The following MGMT variants were observed in gnomAD, a reference collection of about 807,000 sequenced individuals.
MGMT encodes the protein O-6-methylguanine-DNA methyltransferase.
Under a neutral mutation model 15.9 loss-of-function variants are expected in MGMT, and 14 were observed. The ratio of observed to expected loss-of-function variants is 0.88; its 90% confidence interval spans 0.58 to 1.37. The LOEUF is 1.37. Among genes scored for constraint, MGMT ranks in the 40% most tolerant of loss-of-function variants. The pLI, the probability that MGMT is intolerant of heterozygous loss-of-function variation, is 0.00. For synonymous variants in MGMT, 130 were observed against 118.2 expected, an observed-to-expected ratio of 1.10 and a Z score of -0.65; for missense variants, 282 against 268.1, an observed-to-expected ratio of 1.05 and a Z score of -0.36.
At chr10:129,471,043 G>A (rs1845224762) in intron 1 of MGMT, among the ~76,000 whole-genome samples, 1 of 152,166 alleles carries the variant, frequency 6.6e-6, no homozygotes, top group African/African-American at 2.4e-5. Flanking sequence ...ACCCAGCCCT[G>A]CCGCCCATTC....
At chr10:129,511,544 A>G (rs1271890027) in intron 1 of MGMT, among the ~76,000 whole-genome samples, 1 of 152,230 alleles carries the variant, frequency 6.6e-6, no homozygotes, top group Non-Finnish European at 1.5e-5. Context: ...GAGCTTCTTG[A>G]TGGTCAGAAC....
chr10:129,551,225 A>T (rs1192548067), intron 2 of MGMT, among the ~76,000 whole-genome samples: 1 of 152,234 alleles, frequency 6.6e-6, no homozygotes, highest in African/African-American at 2.4e-5. Context: ...TGAGGGAGAG[A>T]GATGCTCTGA....
chr10:129,640,644 C>T (rs2133089610), intron 2 of MGMT, among the ~76,000 whole-genome samples: 1 of 152,188 alleles, frequency 6.6e-6, no homozygotes, highest in Admixed American at 6.5e-5. Context: ...ACCTTGATAC[C>T]ACAACCAAAT....
intron 2 of MGMT, among the ~76,000 whole-genome samples, chr10:129,560,124 T>A (rs1846260110): frequency 6.6e-6 from 1 of 152,230 alleles, no homozygotes; most frequent in African/African-American, 2.4e-5. Flanking sequence ...CCTTCATTAA[T>A]CATTCTGATG....
chr10:129,554,794 T>C (rs935736567), intron 2 of MGMT, among the ~76,000 whole-genome samples: 26 of 152,196 alleles, frequency 1.7e-4, no homozygotes, highest in African/African-American at 6.0e-4. Context: ...GAACAGCAGG[T>C]ATGCCAGCCT....
chr10:129,692,290 C>G (rs937518690), intron 2 of MGMT, among the ~76,000 whole-genome samples: 9 of 152,132 alleles, frequency 5.9e-5, no homozygotes, highest in African/African-American at 2.2e-4. Flanking sequence ...ACCTGGGGAG[C>G]CTGAGCGGCG....
At chr10:129,676,315 G>A (rs939894650) in intron 2 of MGMT, among the ~76,000 whole-genome samples, 1 of 152,168 alleles carries the variant, frequency 6.6e-6, no homozygotes, top group Non-Finnish European at 1.5e-5. Context: ...GGCCAGGCTC[G>A]GTGTGGGCGG....
At chr10:129,636,193 A>G (rs1267970467) in intron 2 of MGMT, among the ~76,000 whole-genome samples, 5 of 152,132 alleles carry the variant, frequency 3.3e-5, no homozygotes, top group Admixed American at 2.0e-4. Context: ...GAAACCCCCA[A>G]AGTGCCTCGT....
intron 1 of MGMT, among the ~76,000 whole-genome samples, chr10:129,513,418 A>G (rs1845705494): frequency 6.6e-6 from 1 of 152,208 alleles, no homozygotes; most frequent in African/African-American, 2.4e-5. Context: ...TATATTTCCT[A>G]ACATTTAAAC....
rs771752463 is a variant in MGMT, at chr10:129,770,548, G to T, written c.*3551G>T. ...CGTAGCTGTGACCATGGGCGGTGGC[G>T]CCAGCTCGGACTTCACCCCGTTGGA... On this transcript the variant is annotated 3_prime_UTR_variant, in exon 5 of 5. Coordinates refer to ENST00000651593, the MANE Select transcript of MGMT (RefSeq NM_002412.5). Among the ~76,000 whole-genome samples, 4 of 152,202 alleles carry T rather than the reference G, an allele frequency of 2.6e-5. No individual in the cohort carries two copies. The highest frequency in any genetic ancestry group is 7.2e-5 in the African/African-American group (3 of 41,458).
rs547894872 is a variant in MGMT, at chr10:129,764,793, C to T, written c.415-1995C>T. Among the ~76,000 whole-genome samples the T allele has an allele frequency of 4.5e-4, 68 of 152,304 alleles. 3 individuals are homozygous for T. The East Asian group carries it at 9.7e-3, about 22-fold the overall frequency. On this transcript the variant is annotated intron_variant, in intron 4 of 4. Coordinates refer to ENST00000651593, the MANE Select transcript of MGMT (RefSeq NM_002412.5). ...GATCCTGCAGAAACAGCTGTTTGTT[C>T]TCATCAGGGCAGGATGCTGGGAGCA...
chr10:129,517,729 G>C (rs1252584471), intron 1 of MGMT, among the ~76,000 whole-genome samples: 2 of 152,144 alleles, frequency 1.3e-5, no homozygotes, highest in African/African-American at 4.8e-5. Flanking sequence ...GTTTGCTCAG[G>C]GTGGGCTGAG....
chr10:129,750,834 T>C (rs1848743870), intron 3 of MGMT, among the ~76,000 whole-genome samples: 1 of 152,154 alleles, frequency 6.6e-6, no homozygotes, highest in Non-Finnish European at 1.5e-5. Flanking sequence ...CCACCCTGTC[T>C]TGATTACTGT....
At chr10:129,640,417 A>G (rs1040387633) in intron 2 of MGMT, among the ~76,000 whole-genome samples, 1 of 152,228 alleles carries the variant, frequency 6.6e-6, no homozygotes, top group African/African-American at 2.4e-5. Flanking sequence ...TTTGAAAGGC[A>G]CAGACTACCA....
chr10:129,649,931 A>AT (rs1310515560), intron 2 of MGMT, among the ~76,000 whole-genome samples: 1 of 151,936 alleles, frequency 6.6e-6, no homozygotes, highest in South Asian at 2.1e-4. Context: ...TTCTGCCTGT[A>AT]TTTTTTTTCT....
intron 2 of MGMT, among the ~76,000 whole-genome samples, chr10:129,643,548 G>T (rs1341199831): frequency 2.0e-5 from 3 of 152,226 alleles, no homozygotes; most frequent in East Asian, 3.9e-4. Flanking sequence ...CCTTCTTCAG[G>T]CTCTTTCCAG....
chr10:129,762,728 A>T (rs1737614816), intron 4 of MGMT, among the ~76,000 whole-genome samples: 1 of 152,158 alleles, frequency 6.6e-6, no homozygotes, highest in African/African-American at 2.4e-5. Flanking sequence ...GAGTTAGTTT[A>T]TTCACGGATT....
chr10:129,628,917 C>T (rs1272951209), intron 2 of MGMT, among the ~76,000 whole-genome samples: 1 of 152,200 alleles, frequency 6.6e-6, no homozygotes, highest in Non-Finnish European at 1.5e-5. Context: ...TTGCAAGCAG[C>T]AGCAACAGCC....
intron 2 of MGMT, among the ~76,000 whole-genome samples, chr10:129,657,728 C>CACA (rs1554874807): frequency 6.6e-5 from 9 of 136,062 alleles, no homozygotes; most frequent in South Asian, 4.6e-4. Flanking sequence ...CACACACACA[C>CACA]CCCCTCTCCC....
Sources: allele counts gnomAD v4.1 joint callset (sites outside exome capture counted in the v4.1 genomes callset), GRCh38; gene constraint gnomAD v4.1.1; transcripts MANE v1.5; gene names NCBI Gene and HGNC (gene_info 2026-07-23, HGNC 2026-07-21).